Variants in TGM5 observed in about 807,000 individuals in gnomAD.
TGM5 encodes the protein transglutaminase 5.
Under a neutral mutation model 77.2 loss-of-function variants are expected in TGM5, and 69 were observed. The ratio of observed to expected loss-of-function variants is 0.89; its 90% CI spans 0.74 to 1.09. TGM5 has a LOEUF of 1.09. Among genes scored for constraint, TGM5 ranks in the 50% least tolerant of loss-of-function variants. The pLI is 0.00. For missense variants in TGM5, 842 were observed against 896.5 expected, an observed-to-expected ratio of 0.94 and a Z score of 0.78; for synonymous variants, 346 against 351.8, an observed-to-expected ratio of 0.98 and a Z score of 0.18.
chr15:43,257,560 G>T (rs950402527), intron 3 of TGM5, among the ~76,000 whole-genome samples: 3 of 152,114 alleles, frequency 2.0e-5, no homozygotes, highest in Non-Finnish European at 1.5e-5. Flanking sequence ...GGAAGGTAAG[G>T]ATTGAAAAAC....
At chr15:43,243,756 A>G (rs911195408) in intron 6 of TGM5, among the ~76,000 whole-genome samples, 16 of 152,144 alleles carry the variant, frequency 1.1e-4, no homozygotes, top group African/African-American at 3.9e-4. Context: ...CCTTGCTGTC[A>G]CTGAACACAT....
At chr15:43,253,737 T>C (rs1226576095) in intron 4 of TGM5, 103 bp from the exon 5 acceptor site, 1 of 1,491,352 alleles carries the variant, frequency 6.7e-7, no homozygotes, top group East Asian at 2.3e-5. Context: ...TAAACTCACT[T>C]GGAAGGTAAC....
chr15:43,233,175 C>T lies in TGM5; in HGVS notation c.*16G>A, dbSNP rs756061234. On this transcript the variant is annotated 3_prime_UTR_variant, in exon 13 of 13. Transcript: ENST00000220420. ...TGAAGCTTGAAATTCACACGTCTGG[C>T]GCGTTGTTCCAGAATTTATAATGCA... 1.1e-4 allele frequency: 171 copies of T among 1,613,716 alleles called. No individual in the cohort carries two copies. The highest frequency in any genetic ancestry group is 1.6e-4 in the Middle Eastern group (1 of 6,082).
At chr15:43,248,980 G>C (rs963214155) in intron 6 of TGM5, among the ~76,000 whole-genome samples, 3 of 152,174 alleles carry the variant, frequency 2.0e-5, no homozygotes, top group African/African-American at 7.2e-5. Flanking sequence ...AGACATGCAA[G>C]TTGGGTTGCT....
rs200229745 is a variant in TGM5 at position 43,233,641 on chromosome 15, A to G, written c.1922T>C (p.Ile641Thr). 3.3e-5 allele frequency: 54 copies of G among 1,614,166 alleles called. No homozygotes were observed. In the African/African-American group the frequency reaches 6.1e-4, roughly 18 times the overall value. Residue 641 changes from isoleucine to threonine, a missense_variant, in exon 12 of 13, where the codon ATA becomes ACA. Ile to Thr is a moderately conservative substitution (Grantham distance 89). Coordinates refer to ENST00000220420, the MANE Select transcript of TGM5 (RefSeq NM_201631.4). ...CTGCTCCGAGAGGGGGTTTGAAAAT[A>G]TCACCTGTATGGAGAGTGGCTGGTT... ...VVNQPLSIQV[I>T]FSNPLSEQVE...
chr15:43,262,199 GA>G (rs1234055993), intron 1 of TGM5, among the ~76,000 whole-genome samples: 7 of 152,248 alleles, frequency 4.6e-5, no homozygotes, highest in African/African-American at 1.7e-4. Flanking sequence ...ATCACCTACT[GA>G]GCTATACACT....
At chr15:43,261,083 T>G (rs56383035) in intron 1 of TGM5, among the ~76,000 whole-genome samples, 8,307 of 68,082 alleles carry the variant, frequency 0.12, 1,166 homozygotes, top group African/African-American at 0.42. Flanking sequence ...TGTGTTTTTT[T>G]TTTTTTTTTT....
rs764584355 is a variant in TGM5 at position 43,234,752 on chromosome 15, G to A, written c.1875+17C>T. The A allele has an allele frequency of 9.9e-6, 16 of 1,614,042 alleles. No homozygotes were observed. The highest frequency in any genetic ancestry group is 2.7e-5 in the African/African-American group (2 of 75,072). ...ATCCAAGGAGCCCCACAAGCCATTTGCAGGACTCCTGCCTACATTAATCGT... is the reference window on the plus strand; with the variant it reads ...ATCCAAGGAGCCCCACAAGCCATTTACAGGACTCCTGCCTACATTAATCGT... On this transcript the variant is annotated intron_variant, in intron 11 of 12. Coordinates refer to ENST00000220420, the MANE Select transcript of TGM5 (RefSeq NM_201631.4).
chr15:43,257,562 T>C (rs557833968), intron 3 of TGM5, among the ~76,000 whole-genome samples: 1 of 152,160 alleles, frequency 6.6e-6, no homozygotes, highest in East Asian at 1.9e-4. Flanking sequence ...AAGGTAAGGA[T>C]TGAAAAACTA....
intron 3 of TGM5, 22 bp downstream of exon 3, chr15:43,260,029 AC>A (rs2042772726): frequency 6.2e-7 from 1 of 1,612,618 alleles, no homozygotes. Flanking sequence ...AAAGGAGGGC[AC>A]CGCCTGGGCA....
At chr15:43,234,649 G>T in intron 11 of TGM5, 120 bp downstream of exon 11, 3 of 1,263,566 alleles carry the variant, frequency 2.4e-6, no homozygotes, top group Non-Finnish European at 3.4e-6. Context: ...AGCACCAGAA[G>T]AGGCAAAGGA....
chr15:43,235,808 T>C lies in TGM5; in HGVS notation c.1375A>G (p.Lys459Glu). 1 of 1,614,082 alleles carries C rather than the reference T, an allele frequency of 6.2e-7. No homozygotes were observed. The highest frequency in any genetic ancestry group is 8.5e-7 in the Non-Finnish European group (1 of 1,180,018). The part of the protein sequence containing the change: ...GSLQERQVFL[K>E]ALQKLKARSF... The stretch of plus-strand genomic sequence containing the variant: ...CTAGCCTTCAGCTTCTGCAGAGCCT[T>C]CAGAAACACCTGCCTCTCCTGGAGG... The change falls in exon 10 of 13, where the codon AAG becomes GAG. Residue 459 changes from lysine (K) to glutamate (E), a missense_variant. Lys to Glu is a moderately conservative substitution (Grantham distance 56). Coordinates refer to ENST00000220420, the MANE Select transcript of TGM5 (RefSeq NM_201631.4).
chr15:43,251,010 CCTT>C (rs902720300), intron 6 of TGM5, among the ~76,000 whole-genome samples: 3 of 152,256 alleles, frequency 2.0e-5, no homozygotes, highest in Admixed American at 6.5e-5. Flanking sequence ...CTGGCTCACT[CCTT>C]CTACACACAC....
chr15:43,238,075 G>A (rs2042603546), intron 9 of TGM5, among the ~76,000 whole-genome samples: 2 of 152,024 alleles, frequency 1.3e-5, no homozygotes. Flanking sequence ...GTCTGTCCCC[G>A]AGGCCCACGT....
chr15:43,262,599 A>G (rs2042797402), intron 1 of TGM5, among the ~76,000 whole-genome samples: 1 of 151,972 alleles, frequency 6.6e-6, no homozygotes, highest in Non-Finnish European at 1.5e-5. Context: ...AGCCTGGCTA[A>G]GATGGTGAAA....
intron 12 of TGM5, 97 bp downstream of exon 12, chr15:43,233,457 G>A (rs2042562047): frequency 6.2e-7 from 1 of 1,612,216 alleles, no homozygotes; most frequent in Admixed American, 1.7e-5. Flanking sequence ...CCCTTCCCCG[G>A]TGTTGTGGAG....
intron 6 of TGM5, among the ~76,000 whole-genome samples, chr15:43,243,601 T>G (rs1192586649): frequency 6.6e-6 from 1 of 152,242 alleles, no homozygotes; most frequent in Non-Finnish European, 1.5e-5. Flanking sequence ...CCAGAAGTCA[T>G]GCACATACAT....
chr15:43,235,378 AG>A, intron 10 of TGM5, 90 bp downstream of exon 10: 1 of 1,559,628 alleles, frequency 6.4e-7, no homozygotes, highest in South Asian at 1.1e-5. Context: ...ATGGTGTCTC[AG>A]GGGTCTGCCC....
intron 11 of TGM5, 69 bp downstream of exon 11, chr15:43,234,700 C>T: frequency 1.2e-6 from 2 of 1,605,362 alleles, no homozygotes; most frequent in Non-Finnish European, 1.7e-6. Flanking sequence ...GCTGCCCTCT[C>T]ACAGGGCTTC....
Sources: allele counts gnomAD v4.1 joint callset (sites outside exome capture counted in the v4.1 genomes callset), GRCh38; gene constraint gnomAD v4.1.1; transcripts MANE v1.5; gene names NCBI Gene and HGNC (gene_info 2026-07-23, HGNC 2026-07-21).